Variants in FAM227A observed in about 807,000 individuals in gnomAD.
FAM227A encodes the protein family with sequence similarity 227 member A, also known as protein FAM227A.
Under a neutral mutation model 74.7 loss-of-function variants are expected in FAM227A, and 80 were observed. The observed-to-expected ratio is 1.07, with a 90% CI of 0.89 to 1.29. The LOEUF (loss-of-function observed/expected upper bound fraction) is 1.29. Ranked by LOEUF, FAM227A falls within the 50% of genes most tolerant of loss-of-function variation. FAM227A has a pLI of 0.00. For synonymous variants in FAM227A, 237 were observed against 241.8 expected (o/e 0.98, Z 0.19); for missense variants, 654 against 683.4 (o/e 0.96, Z 0.48).
chr22:38,621,520 G>A (rs189450335), intron 10 of FAM227A, among the ~76,000 whole-genome samples: 2 of 151,936 alleles, frequency 1.3e-5, no homozygotes, highest in Non-Finnish European at 2.9e-5. Context: ...CAGGAGAATC[G>A]CTTGAACCTG....
chr22:38,649,527 C>A (rs1438514420), intron 2 of FAM227A, among the ~76,000 whole-genome samples: 1 of 151,074 alleles, frequency 6.6e-6, no homozygotes, highest in Non-Finnish European at 1.5e-5. Flanking sequence ...GACTGCACCA[C>A]CGCACTCCAG....
At chr22:38,645,455 C>A in intron 3 of FAM227A, 108 bp downstream of exon 3, 1 of 681,322 alleles carries the variant, frequency 1.5e-6, no homozygotes, top group Non-Finnish European at 2.6e-6. Flanking sequence ...ATTGTGTAAA[C>A]ATGTTTTCAA....
chr22:38,593,623 G>C (rs554422403), intron 15 of FAM227A, among the ~76,000 whole-genome samples: 1 of 152,074 alleles, frequency 6.6e-6, no homozygotes, highest in African/African-American at 2.4e-5. Flanking sequence ...TCTCCATCCC[G>C]ACCCTCTCCT....
chr22:38,599,559 C>T (rs2091125677), intron 14 of FAM227A, among the ~76,000 whole-genome samples: 1 of 152,168 alleles, frequency 6.6e-6, no homozygotes, highest in African/African-American at 2.4e-5. Context: ...GTCTCATGGC[C>T]AGTTCACGAG....
chr22:38,636,395 A>G (rs768509198), intron 6 of FAM227A, 56 bp downstream of exon 6: 16 of 1,529,564 alleles, frequency 1.0e-5, no homozygotes, highest in Non-Finnish European at 1.4e-5. Context: ...AAAGGGTGAC[A>G]GCTGCATTTG....
At chr22:38,645,042 G>A (rs957259248) in intron 3 of FAM227A, among the ~76,000 whole-genome samples, 4 of 148,492 alleles carry the variant, frequency 2.7e-5, no homozygotes, top group African/African-American at 7.5e-5. Flanking sequence ...AGCCAACATC[G>A]CACCACTGCA....
At chr22:38,612,739 ACTGGT>A (rs1438050561) in intron 11 of FAM227A, among the ~76,000 whole-genome samples, 1 of 151,980 alleles carries the variant, frequency 6.6e-6, no homozygotes, top group African/African-American at 2.4e-5. Context: ...GACAGGAGCA[ACTGGT>A]TTTTCAAGGA....
At chr22:38,595,973 G>C (rs114963087) in intron 15 of FAM227A, among the ~76,000 whole-genome samples, 43,103 of 148,614 alleles carry the variant, frequency 0.29, 6,374 homozygotes, top group East Asian at 0.37. Flanking sequence ...ACTAATAAGG[G>C]GGGGGGGGCA....
intron 13 of FAM227A, among the ~76,000 whole-genome samples, chr22:38,602,181 C>G (rs2146223999): frequency 6.6e-6 from 1 of 152,276 alleles, no homozygotes; most frequent in South Asian, 2.1e-4. Context: ...TCTTCTGTCT[C>G]CAGCAAGGTT....
In FAM227A at chr22:38,585,884, C is replaced by A; in HGVS notation, c.*241G>T. 1.2e-6 allele frequency: 1 copy of A among 864,490 alleles called. No individual in the cohort carries two copies. The highest frequency in any genetic ancestry group is 1.7e-5 in the African/African-American group (1 of 58,804). The allele number at this position is 864,490 out of a possible 1,614,324, so 53.6% of individuals were successfully genotyped here. On this transcript the variant is annotated 3_prime_UTR_variant, in exon 17 of 17. Transcript: ENST00000535113. ...TTTGTAACATACTTACCAGCATGCA[C>A]GTAATAAAATACTGAAAGAGTAAAT... is the stretch of plus-strand genomic sequence containing the variant.
rs572604388 is a variant in FAM227A at position 38,628,344 on chromosome 22, T to C, written c.622-2A>G. 5 of 1,544,452 alleles carry C rather than the reference T, an allele frequency of 3.2e-6. No homozygotes were observed. The African/African-American group carries it at 4.1e-5, about 13-fold the overall frequency. On this transcript the variant is annotated splice_acceptor_variant, in intron 7 of 16. Coordinates refer to ENST00000535113, the MANE Select transcript of FAM227A (RefSeq NM_001013647.2). LOFTEE classifies it high-confidence loss of function. The stretch of plus-strand genomic sequence containing the variant: ...ATTATTCTGGAGCTCCTTGTTTGGC[T>C]GCCAGGAATAGAAATGAAAAAGGAA...
chr22:38,592,622 G>A lies in FAM227A; in HGVS notation c.1533-1082C>T, dbSNP rs180719515. 3.3e-5 allele frequency among the ~76,000 whole-genome samples: 5 copies of A among 151,520 alleles called. No homozygotes were observed. The East Asian group carries it at 9.6e-4, about 29-fold the overall frequency. On this transcript the variant is annotated intron_variant, in intron 15 of 16. Transcript: ENST00000535113. ...CCATGAAGTTAAATCATGGGCTGAA[G>A]CTAAATCATGGGCTGAAGCTAGTGG...
chr22:38,654,870 C>T (rs1160401482), intron 1 of FAM227A, among the ~76,000 whole-genome samples: 1 of 151,080 alleles, frequency 6.6e-6, no homozygotes, highest in African/African-American at 2.4e-5. Flanking sequence ...ATGGCATGAA[C>T]CCAGGAGGCG....
In FAM227A at chr22:38,645,650, G is replaced by C; in HGVS notation, c.143-5C>G. ...GCATGGAGCCAATAAGGCATGCTGGGAGGTTAGTCTGCTAAGGAAACTCAG... is the reference window on the plus strand; with the variant it reads ...GCATGGAGCCAATAAGGCATGCTGGCAGGTTAGTCTGCTAAGGAAACTCAG... On this transcript the variant is annotated splice_polypyrimidine_tract_variant and splice_region_variant and intron_variant, in intron 2 of 16. Coordinates refer to ENST00000535113, the MANE Select transcript of FAM227A (RefSeq NM_001013647.2). 2 of 1,547,118 alleles carry C rather than the reference G, an allele frequency of 1.3e-6. No individual in the cohort carries two copies. The highest frequency in any genetic ancestry group is 4.9e-5 in the East Asian group (2 of 40,732).
chr22:38,634,198 GGAGACAGAGCAAGACTCTGTCTCAA>G (rs1475660517), intron 6 of FAM227A, among the ~76,000 whole-genome samples: 1 of 142,562 alleles, frequency 7.0e-6, no homozygotes, highest in Non-Finnish European at 1.5e-5. Context: ...CTCCAGCCTG[GGAGACAGAGCAAGACTCTGTCTCAA>G]AAAAAAAAAA....
chr22:38,582,988 C>A lies in FAM227A; in HGVS notation c.*3137G>T. On this transcript the variant is annotated 3_prime_UTR_variant, in exon 17 of 17. Coordinates refer to ENST00000535113, the MANE Select transcript of FAM227A (RefSeq NM_001013647.2). ...GAGGGAGGAGAAGGCATTTTCAGGT[C>A]CAGAAGCAGCAACAGACAAAAGATC... 1.9e-6 allele frequency: 3 copies of A among 1,542,174 alleles called. No homozygotes were observed. The highest frequency in any genetic ancestry group is 1.2e-5 in the South Asian group (1 of 83,774).
Position 38,578,478 on chromosome 22 carries a change from C to T in FAM227A, c.*7647G>A, listed in dbSNP as rs187828747. On this transcript the variant is annotated 3_prime_UTR_variant, in exon 17 of 17. Transcript: ENST00000535113. ...TTTTTAACTTCAGCACATAGGTGTC[C>T]AAGAGAGGCTTGCTATGACAGTTTA... 1 of 152,276 alleles carries T rather than the reference C, an allele frequency of 6.6e-6. No homozygotes were observed. Among genetic ancestry groups the T allele is most frequent in the East Asian group, 1.9e-4 (1 of 5,190 alleles). The allele number at this position is 152,276 out of a possible 1,614,324, so 9.4% of individuals were successfully genotyped here.
chr22:38,647,870 G>A (rs2092266002), intron 2 of FAM227A, among the ~76,000 whole-genome samples: 1 of 152,170 alleles, frequency 6.6e-6, no homozygotes, highest in Admixed American at 6.6e-5. Context: ...GGACTTCTTA[G>A]GTGTGGGATT....
chr22:38,616,563 G>A (rs1399529641), intron 11 of FAM227A, among the ~76,000 whole-genome samples: 1 of 152,088 alleles, frequency 6.6e-6, no homozygotes, highest in Non-Finnish European at 1.5e-5. Flanking sequence ...CTACTCGGGA[G>A]GCTGAGGCAG....
Sources: allele counts gnomAD v4.1 joint callset (sites outside exome capture counted in the v4.1 genomes callset), GRCh38; gene constraint gnomAD v4.1.1; transcripts MANE v1.5; gene names NCBI Gene and HGNC (gene_info 2026-07-23, HGNC 2026-07-21).